The following INVS variants were observed in gnomAD, a reference collection of about 807,000 sequenced individuals.
The protein encoded by INVS is inversin, also known as inversion of embryo turning homolog.
A neutral mutation model predicts 108.8 loss-of-function variants in INVS; 86 were observed. The observed-to-expected ratio is 0.79, with a 90% CI of 0.66 to 0.95. The LOEUF is 0.95. Ranked by LOEUF, INVS falls within the 40% of genes least tolerant of loss-of-function variation. The pLI is 0.00. For missense variants in INVS, 1,169 were observed against 1,297.4 expected, an observed-to-expected ratio of 0.90 and a Z score of 1.52; for synonymous variants, 455 against 473.5, an observed-to-expected ratio of 0.96 and a Z score of 0.51.
intron 3 of INVS, among the ~76,000 whole-genome samples, chr9:100,198,784 G>A (rs1329683878): frequency 6.6e-6 from 1 of 151,608 alleles, no homozygotes; most frequent in African/African-American, 2.4e-5. Flanking sequence ...ATAGAGACAG[G>A]GTTTCACCAT....
intron 3 of INVS, among the ~76,000 whole-genome samples, chr9:100,216,447 A>C (rs1171451750): frequency 6.6e-6 from 1 of 152,200 alleles, no homozygotes; most frequent in Non-Finnish European, 1.5e-5. Context: ...TTAAGGGACC[A>C]TTAAGCCAGC....
chr9:100,100,691 T>TATATATGTACATATA (rs1826840621), intron 1 of INVS, among the ~76,000 whole-genome samples: 3 of 1,746 alleles, frequency 1.7e-3, no homozygotes, highest in Non-Finnish European at 2.5e-3. Context: ...ATATATATAT[T>TATATATGTACATATA]ATATATGTAC....
At chr9:100,210,612 A>G (rs1830803713) in intron 3 of INVS, among the ~76,000 whole-genome samples, 1 of 152,124 alleles carries the variant, frequency 6.6e-6, no homozygotes, top group African/African-American at 2.4e-5. Context: ...TACATCATCT[A>G]TCCTGTCTTT....
intron 3 of INVS, among the ~76,000 whole-genome samples, chr9:100,217,926 T>C (rs1047029420): frequency 6.6e-6 from 1 of 152,206 alleles, no homozygotes; most frequent in African/African-American, 2.4e-5. Flanking sequence ...GCGACCTATA[T>C]ACTTCCTAGG....
At chr9:100,250,551 T>TGTTC (rs397807549) in intron 8 of INVS, among the ~76,000 whole-genome samples, 1 of 151,926 alleles carries the variant, frequency 6.6e-6, no homozygotes, top group Admixed American at 6.6e-5. Flanking sequence ...TAGAGGTGTT[T>TGTTC]AAATTCAGAT....
At chr9:100,169,534 A>C (rs1829472605) in intron 3 of INVS, among the ~76,000 whole-genome samples, 1 of 152,238 alleles carries the variant, frequency 6.6e-6, no homozygotes, top group Non-Finnish European at 1.5e-5. Flanking sequence ...AATGTTAAAC[A>C]CAATTTTATA....
chr9:100,147,920 A>G (rs903336204), intron 3 of INVS, among the ~76,000 whole-genome samples: 1 of 151,958 alleles, frequency 6.6e-6, no homozygotes, highest in Admixed American at 6.6e-5. Context: ...GTCATGGCTT[A>G]CACCTGTAAT....
intron 2 of INVS, 101 bp downstream of exon 2, chr9:100,104,728 A>G: frequency 1.3e-6 from 1 of 770,930 alleles, no homozygotes; most frequent in African/African-American, 1.7e-5. Context: ...ATACATTTTA[A>G]TGGAAATATG....
intron 2 of INVS, among the ~76,000 whole-genome samples, chr9:100,115,454 G>A (rs533792366): frequency 7.3e-5 from 11 of 151,294 alleles, no homozygotes; most frequent in South Asian, 6.3e-4. Context: ...TGCCTCCCCC[G>A]TCCCCCGACC....
chr9:100,177,721 T>C (rs1167650930), intron 3 of INVS, among the ~76,000 whole-genome samples: 2 of 152,234 alleles, frequency 1.3e-5, no homozygotes, highest in Non-Finnish European at 2.9e-5. Flanking sequence ...TAAATGTTCC[T>C]GCCTGCTGGC....
intron 10 of INVS, among the ~76,000 whole-genome samples, chr9:100,260,416 C>T (rs1258404729): frequency 6.6e-6 from 1 of 151,764 alleles, no homozygotes; most frequent in East Asian, 1.9e-4. Context: ...CGGTCTCGAA[C>T]TCCTGACCTC....
intron 3 of INVS, among the ~76,000 whole-genome samples, chr9:100,223,840 G>A (rs1831222679): frequency 6.6e-6 from 1 of 152,150 alleles, no homozygotes; most frequent in African/African-American, 2.4e-5. Context: ...CTGCCCCTGT[G>A]GTGGACTGAG....
At chr9:100,160,836 C>T (rs11790004) in intron 3 of INVS, among the ~76,000 whole-genome samples, 31,831 of 150,692 alleles carry the variant, frequency 0.21, 5,678 homozygotes, top group African/African-American at 0.49. Flanking sequence ...GCACCTGTAA[C>T]CCCAGCTACT....
rs780111649 is a variant in INVS, at chr9:100,253,047, C to A, written c.1375C>A (p.Pro459Thr). The change falls in exon 10 of 17, where the codon CCT (proline) becomes ACT (threonine). Residue 459 changes from proline (P) to threonine (T), a missense_variant. Physicochemically the swap from Pro to Thr is conservative, Grantham distance 38. Coordinates refer to ENST00000262457, the MANE Select transcript of INVS (RefSeq NM_014425.5). ...TGTCCAGGATTATGCAGGAAGAACC[C>A]CTTTGCAGTGTGCAGCATATGGAGG... ...PNVQDYAGRT[P>T]LQCAAYGGYI... is the part of the protein sequence containing the mutation. 1 of 1,613,908 alleles carries A rather than the reference C, an allele frequency of 6.2e-7. No individual in the cohort carries two copies. The highest frequency in any genetic ancestry group is 1.7e-5 in the Admixed American group (1 of 59,998).
At chr9:100,293,996 C>T (rs1208465201) in intron 14 of INVS, among the ~76,000 whole-genome samples, 1 of 152,076 alleles carries the variant, frequency 6.6e-6, no homozygotes, top group Non-Finnish European at 1.5e-5. Flanking sequence ...GGCCAAACTC[C>T]GTCTCTACAA....
chr9:100,225,722 A>G (rs146597272), intron 3 of INVS, among the ~76,000 whole-genome samples: 16 of 151,020 alleles, frequency 1.1e-4, no homozygotes, highest in African/African-American at 3.7e-4. Context: ...AAAAATGTGA[A>G]AAAAGATGTA....
intron 3 of INVS, among the ~76,000 whole-genome samples, chr9:100,176,559 C>T (rs1829717542): frequency 6.6e-6 from 1 of 152,054 alleles, no homozygotes; most frequent in Non-Finnish European, 1.5e-5. Context: ...TCACTGCAGC[C>T]TCCACCTTCC....
intron 3 of INVS, among the ~76,000 whole-genome samples, chr9:100,209,175 G>A (rs538266978): frequency 4.6e-5 from 7 of 152,254 alleles, no homozygotes; most frequent in African/African-American, 1.7e-4. Context: ...AAAAGGAAAT[G>A]GATGTAAAAA....
At chr9:100,252,794 T>G (rs935136546) in intron 9 of INVS, 113 bp from the exon 10 acceptor site, 12 of 779,350 alleles carry the variant, frequency 1.5e-5, no homozygotes, top group Non-Finnish European at 2.6e-5. Flanking sequence ...TTATTGTTTT[T>G]CTTCTATTCA....
Sources: allele counts gnomAD v4.1 joint callset (sites outside exome capture counted in the v4.1 genomes callset), GRCh38; gene constraint gnomAD v4.1.1; transcripts MANE v1.5; gene names NCBI Gene and HGNC (gene_info 2026-07-23, HGNC 2026-07-21).